Variants in IMMP2L observed in about 807,000 individuals in gnomAD.
IMMP2L encodes the protein inner mitochondrial membrane peptidase subunit 2.
Under a neutral mutation model 19.3 loss-of-function variants are expected in IMMP2L, and 18 were observed. The observed-to-expected ratio is 0.93, with a 90% CI of 0.64 to 1.38. IMMP2L has a LOEUF of 1.38. Among genes scored for constraint, IMMP2L ranks in the 40% most tolerant of loss-of-function variants. The probability of loss-of-function intolerance (pLI) is 0.00; values close to 1 mark genes in which losing one functional copy is unlikely to be tolerated. For synonymous variants in IMMP2L, 76 were observed against 73.0 expected (o/e 1.04, Z -0.21); for missense variants, 233 against 218.2 (o/e 1.07, Z -0.43).
intron 3 of IMMP2L, among the ~76,000 whole-genome samples, chr7:111,020,254 T>C (rs1227909314): frequency 2.0e-5 from 3 of 151,730 alleles, no homozygotes; most frequent in East Asian, 3.9e-4. Context: ...CATGGTGGCT[T>C]ATGCCTGTAA....
chr7:110,697,549 AT>A (rs1793979015), intron 5 of IMMP2L, among the ~76,000 whole-genome samples: 1 of 152,220 alleles, frequency 6.6e-6, no homozygotes, highest in African/African-American at 2.4e-5. Context: ...CACGCCTGTT[AT>A]CCCAGCACTT....
Position 111,316,519 on chromosome 7 carries a change from T to C in IMMP2L, c.239+170719A>G, listed in dbSNP as rs145860296. ...TGAATAAATTAATCCAGGTTCTTAT[T>C]CATCAAGATTCCATTTTGAAGAGGG... On this transcript the variant is annotated intron_variant, in intron 3 of 5. Coordinates refer to ENST00000405709, the MANE Select transcript of IMMP2L (RefSeq NM_032549.4). 2.8e-4 allele frequency among the ~76,000 whole-genome samples: 43 copies of C among 152,216 alleles called. No homozygotes were observed. The East Asian group carries it at 7.5e-3, about 27-fold the overall frequency.
intron 4 of IMMP2L, among the ~76,000 whole-genome samples, chr7:110,916,768 C>T (rs961435152): frequency 2.0e-5 from 3 of 152,134 alleles, no homozygotes; most frequent in Admixed American, 6.5e-5. Flanking sequence ...TAAACTTTTA[C>T]TATGTGTAAG....
chr7:111,198,752 T>C (rs1394399958), intron 3 of IMMP2L, among the ~76,000 whole-genome samples: 1 of 152,204 alleles, frequency 6.6e-6, no homozygotes, highest in African/African-American at 2.4e-5. Context: ...TTATTAGGAC[T>C]CGTTCATTCT....
chr7:111,038,593 C>G (rs1791578289), intron 3 of IMMP2L, among the ~76,000 whole-genome samples: 1 of 152,070 alleles, frequency 6.6e-6, no homozygotes, highest in Non-Finnish European at 1.5e-5. Flanking sequence ...AAGAGGAGTT[C>G]TGGTTTGTTC....
intron 5 of IMMP2L, among the ~76,000 whole-genome samples, chr7:110,854,161 A>G (rs1214282684): frequency 6.6e-6 from 1 of 152,012 alleles, no homozygotes; most frequent in Non-Finnish European, 1.5e-5. Flanking sequence ...TTCTACTTGT[A>G]TGTAATACAA....
intron 3 of IMMP2L, among the ~76,000 whole-genome samples, chr7:111,010,958 G>A (rs1254135198): frequency 1.3e-5 from 2 of 150,758 alleles, no homozygotes; most frequent in Non-Finnish European, 3.0e-5. Context: ...AAAAGGTCAA[G>A]ATACAGACCC....
intron 4 of IMMP2L, among the ~76,000 whole-genome samples, chr7:110,956,393 G>C (rs969788453): frequency 1.5e-4 from 23 of 152,078 alleles, no homozygotes; most frequent in Non-Finnish European, 2.9e-4. Context: ...ATCCTCCCCT[G>C]CCTGATTCCT....
At chr7:110,723,145 T>C (rs1320678294) in intron 5 of IMMP2L, among the ~76,000 whole-genome samples, 1 of 152,152 alleles carries the variant, frequency 6.6e-6, no homozygotes, top group Non-Finnish European at 1.5e-5. Context: ...GAAATGGCCA[T>C]CAAGCTATAG....
intron 3 of IMMP2L, among the ~76,000 whole-genome samples, chr7:111,142,325 CAAA>C (rs761556733): frequency 4.2e-4 from 26 of 62,498 alleles, no homozygotes; most frequent in African/African-American, 1.3e-3. Context: ...GACTCTGTCT[CAAA>C]AAAAAAAAAA....
chr7:110,981,385 T>C (rs970564339), intron 3 of IMMP2L, among the ~76,000 whole-genome samples: 1 of 152,098 alleles, frequency 6.6e-6, no homozygotes, highest in African/African-American at 2.4e-5. Context: ...ACAAATCTGG[T>C]CATGCCTTAT....
Position 111,192,555 on chromosome 7 carries a change from G to A in IMMP2L, c.240-228990C>T, listed in dbSNP as rs140320754. Among the ~76,000 whole-genome samples, 84 of 152,084 alleles carry A rather than the reference G, an allele frequency of 5.5e-4. No individual in the cohort carries two copies. In the South Asian group the frequency reaches 6.0e-3, roughly 11 times the overall value. On this transcript the variant is annotated intron_variant, in intron 3 of 5. Coordinates refer to ENST00000405709, the MANE Select transcript of IMMP2L (RefSeq NM_032549.4). ...AAAATTAAGTGAATTTGTTTATTTT[G>A]AAAGATAGCAATCTCAATTATAGTT...
At chr7:111,540,854 A>G (rs1848451197) in intron 1 of IMMP2L, among the ~76,000 whole-genome samples, 1 of 152,138 alleles carries the variant, frequency 6.6e-6, no homozygotes, top group African/African-American at 2.4e-5. Flanking sequence ...GTCAGACGAC[A>G]TTCCACTCCT....
chr7:110,800,442 G>C (rs1285504107), intron 5 of IMMP2L, among the ~76,000 whole-genome samples: 2 of 151,930 alleles, frequency 1.3e-5, no homozygotes, highest in Non-Finnish European at 2.9e-5. Context: ...CAAGAAAAGA[G>C]AACAAAACCA....
intron 3 of IMMP2L, among the ~76,000 whole-genome samples, chr7:111,446,117 G>A (rs1389465047): frequency 4.8e-5 from 7 of 146,400 alleles, no homozygotes; most frequent in Admixed American, 2.1e-4. Context: ...CAAGGCGGCA[G>A]CAAGGCTGGG....
chr7:110,843,524 C>T lies in IMMP2L; in HGVS notation c.408+43069G>A, dbSNP rs531422721. Among the ~76,000 whole-genome samples the T allele has an allele frequency of 9.2e-5, 14 of 152,118 alleles. No individual in the cohort carries two copies. The South Asian group carries it at 1.5e-3, about 16-fold the overall frequency. On this transcript the variant is annotated intron_variant, in intron 5 of 5. Coordinates refer to ENST00000405709, the MANE Select transcript of IMMP2L (RefSeq NM_032549.4). The stretch of plus-strand genomic sequence containing the variant: ...ATTTGGATAAAGCTTGTCACTTATT[C>T]GGTTATATTATTGGGTAAATATGTC...
chr7:111,408,998 T>A (rs1166242616), intron 3 of IMMP2L, among the ~76,000 whole-genome samples: 1 of 151,660 alleles, frequency 6.6e-6, no homozygotes, highest in Admixed American at 6.6e-5. Flanking sequence ...ATAAAAATGG[T>A]GATAAAAAGT....
chr7:111,084,482 A>C (rs971449577), intron 3 of IMMP2L, among the ~76,000 whole-genome samples: 1 of 152,134 alleles, frequency 6.6e-6, no homozygotes, highest in Non-Finnish European at 1.5e-5. Context: ...GGATGGATGG[A>C]TGCACGGATA....
chr7:111,059,853 T>C (rs984640436), intron 3 of IMMP2L, among the ~76,000 whole-genome samples: 5 of 151,616 alleles, frequency 3.3e-5, no homozygotes, highest in Admixed American at 2.6e-4. Context: ...TCATTCAGGG[T>C]ATGAATATAT....
Sources: allele counts gnomAD v4.1 joint callset (sites outside exome capture counted in the v4.1 genomes callset), GRCh38; gene constraint gnomAD v4.1.1; transcripts MANE v1.5; gene names NCBI Gene and HGNC (gene_info 2026-07-23, HGNC 2026-07-21).